CDH12: variants seen among roughly 807,000 people sequenced by gnomAD.
CDH12 encodes the protein cadherin-12.
Under a neutral mutation model 74.1 loss-of-function variants are expected in CDH12, and 41 were observed. That is an observed-to-expected ratio of 0.55 (90% CI 0.43 to 0.72). The LOEUF is 0.72. CDH12 is among the 30% of genes least tolerant of loss of function. The pLI is 0.00. For synonymous variants in CDH12, 399 were observed against 355.0 expected (o/e 1.12, Z -1.39); for missense variants, 945 against 977.2 (o/e 0.97, Z 0.44).
At chr5:21,880,507 C>T (rs1187638642) in intron 6 of CDH12, among the ~76,000 whole-genome samples, 6 of 91,320 alleles carry the variant, frequency 6.6e-5, no homozygotes, top group Admixed American at 1.3e-4. Context: ...TCCTTCCTCC[C>T]TCCCTCCCTC....
chr5:21,848,019 T>C (rs1371189372), intron 7 of CDH12, among the ~76,000 whole-genome samples: 1 of 152,056 alleles, frequency 6.6e-6, no homozygotes, highest in Non-Finnish European at 1.5e-5. Flanking sequence ...GTAAAATAAA[T>C]AAAGTAGTGC....
chr5:22,772,598 G>T (rs780431228), intron 1 of CDH12, among the ~76,000 whole-genome samples: 1 of 151,714 alleles, frequency 6.6e-6, no homozygotes, highest in Non-Finnish European at 1.5e-5. Context: ...TATCTCACAC[G>T]TTTTTTTTAA....
At chr5:22,372,117 C>T (rs1392953970) in intron 3 of CDH12, among the ~76,000 whole-genome samples, 1 of 152,116 alleles carries the variant, frequency 6.6e-6, no homozygotes, top group African/African-American at 2.4e-5. Flanking sequence ...GGCTGGTGTA[C>T]TGATGAAGAA....
Position 22,744,926 on chromosome 5 carries a change from G to A in CDH12, c.-523+108132C>T, listed in dbSNP as rs967601261. On this transcript the variant is annotated intron_variant, in intron 1 of 14. Coordinates refer to ENST00000382254, the MANE Select transcript of CDH12 (RefSeq NM_004061.5). The stretch of plus-strand genomic sequence containing the variant: ...TAATAGTAAATTCCTAACAGGGTGG[G>A]TAGGAGAGTTAGTTAATATATCTAT... Among the ~76,000 whole-genome samples the A allele has an allele frequency of 3.9e-4, 59 of 151,900 alleles. 1 individual carries two copies. The highest frequency in any genetic ancestry group is 1.0e-3 in the South Asian group (5 of 4,814).
In CDH12 at chr5:22,591,789, T is replaced by C. The variant is rs1001914754; in HGVS notation, c.-522-86425A>G. 4.6e-5 allele frequency among the ~76,000 whole-genome samples: 7 copies of C among 152,192 alleles called. 1 individual carries two copies. Among genetic ancestry groups the C allele is most frequent in the Admixed American group, 4.6e-4 (7 of 15,260 alleles). On this transcript the variant is annotated intron_variant, in intron 1 of 14. Coordinates refer to ENST00000382254, the MANE Select transcript of CDH12 (RefSeq NM_004061.5). ...TTATTATCTATGTGCACATACATCA[T>C]GGACCTTGTCATCACCCAGGATATA...
intron 1 of CDH12, among the ~76,000 whole-genome samples, chr5:22,610,356 T>C (rs1330265703): frequency 1.3e-5 from 2 of 152,168 alleles, no homozygotes; most frequent in Non-Finnish European, 2.9e-5. Context: ...ATTTATAATA[T>C]TTAGGAAGTT....
At chr5:22,773,285 G>A (rs749069976) in intron 1 of CDH12, among the ~76,000 whole-genome samples, 4 of 151,972 alleles carry the variant, frequency 2.6e-5, no homozygotes, top group African/African-American at 4.8e-5. Context: ...AAAACAGCAC[G>A]GTACTGGGAC....
At chr5:22,672,565 G>A (rs933069791) in intron 1 of CDH12, among the ~76,000 whole-genome samples, 14 of 151,992 alleles carry the variant, frequency 9.2e-5, no homozygotes, top group Non-Finnish European at 2.1e-4. Flanking sequence ...TTCTGCCATG[G>A]GATGATTCTC....
chr5:21,764,445 C>T (rs1339242026), intron 12 of CDH12, among the ~76,000 whole-genome samples: 2 of 145,790 alleles, frequency 1.4e-5, no homozygotes, highest in East Asian at 2.0e-4. Flanking sequence ...GTCAGGAGTT[C>T]GAGTCCAGCC....
At chr5:22,263,688 G>T (rs1256559396) in intron 3 of CDH12, among the ~76,000 whole-genome samples, 1 of 151,976 alleles carries the variant, frequency 6.6e-6, no homozygotes, top group African/African-American at 2.4e-5. Flanking sequence ...ATAGTACAAT[G>T]ATGATAAAAA....
chr5:21,979,095 T>A (rs1364778786), intron 5 of CDH12, among the ~76,000 whole-genome samples: 2 of 152,182 alleles, frequency 1.3e-5, no homozygotes, highest in Admixed American at 6.5e-5. Context: ...GCCTTTTTAA[T>A]CTACACATAC....
intron 3 of CDH12, among the ~76,000 whole-genome samples, chr5:22,236,125 T>A (rs1462192732): frequency 6.6e-6 from 1 of 152,228 alleles, no homozygotes; most frequent in Non-Finnish European, 1.5e-5. Context: ...AAATTTGCCC[T>A]GTGTGAGTAG....
At chr5:22,259,530 AG>A (rs1256187682) in intron 3 of CDH12, among the ~76,000 whole-genome samples, 1 of 152,058 alleles carries the variant, frequency 6.6e-6, no homozygotes, top group African/African-American at 2.4e-5. Flanking sequence ...TCTACCACAA[AG>A]GACCACTGGA....
chr5:22,580,181 T>C (rs1021545422), intron 1 of CDH12: 2 of 290,234 alleles, frequency 6.9e-6, no homozygotes. Context: ...TGAGGGTACA[T>C]TTTGGGTATC....
intron 5 of CDH12, among the ~76,000 whole-genome samples, chr5:22,068,114 G>A (rs1023551886): frequency 6.6e-6 from 1 of 152,100 alleles, no homozygotes; most frequent in South Asian, 2.1e-4. Flanking sequence ...TGAACCATGT[G>A]CTACTTGACC....
chr5:22,065,674 C>G (rs887057673), intron 5 of CDH12, among the ~76,000 whole-genome samples: 1 of 152,070 alleles, frequency 6.6e-6, no homozygotes, highest in African/African-American at 2.4e-5. Flanking sequence ...GAGGAGAGCC[C>G]CAGCATCCCA....
chr5:22,531,806 C>T (rs1042354539), intron 1 of CDH12, among the ~76,000 whole-genome samples: 1 of 152,036 alleles, frequency 6.6e-6, no homozygotes, highest in Non-Finnish European at 1.5e-5. Context: ...GAAAGATTGG[C>T]TGAAAGTCTG....
chr5:22,225,024 A>AT (rs1752146688), intron 3 of CDH12, among the ~76,000 whole-genome samples: 1 of 152,020 alleles, frequency 6.6e-6, no homozygotes, highest in African/African-American at 2.4e-5. Context: ...ATTTATATTT[A>AT]TTTTTTTCTC....
intron 4 of CDH12, among the ~76,000 whole-genome samples, chr5:22,181,401 C>T (rs149306274): frequency 0.056 from 8,526 of 152,124 alleles, 255 homozygotes; most frequent in Non-Finnish European, 0.062. Context: ...TCTCCTTAGA[C>T]ATCTCATCTT....
Sources: gnomAD v4.1 joint callset for allele counts (sites outside exome capture counted in the v4.1 genomes callset) on GRCh38, gnomAD v4.1.1 for gene constraint, MANE v1.5 for transcripts, NCBI Gene and HGNC (gene_info 2026-07-23, HGNC 2026-07-21) for gene names.